The following XYLT1 variants were observed in gnomAD, a reference collection of about 807,000 sequenced individuals.
The protein encoded by XYLT1 is xylosyltransferase 1.
Under a neutral mutation model 91.3 loss-of-function variants are expected in XYLT1, and 36 were observed. The ratio of observed to expected loss-of-function variants is 0.39; its 90% CI spans 0.30 to 0.52. The LOEUF is 0.52. XYLT1 is among the 20% of genes least tolerant of loss of function. The pLI is 0.68. For missense variants in XYLT1, 1,242 were observed against 1,284.5 expected, an observed-to-expected ratio of 0.97 and a Z score of 0.51; for synonymous variants, 588 against 532.0, an observed-to-expected ratio of 1.11 and a Z score of -1.45.
At chr16:17,465,127 G>C in intron 1 of XYLT1, among the ~76,000 whole-genome samples, 1 of 103,470 alleles carries the variant, frequency 9.7e-6, no homozygotes, top group East Asian at 3.4e-4. Context: ...CTGGGTGACA[G>C]AGCAAGATGC....
At chr16:17,375,481 AACACACACAC>A (rs71137985) in intron 1 of XYLT1, among the ~76,000 whole-genome samples, 1 of 147,430 alleles carries the variant, frequency 6.8e-6, no homozygotes, top group Admixed American at 6.7e-5. Context: ...TAACATTTAA[AACACACACAC>A]ACACACACAC....
chr16:17,270,488 T>G (rs1596458864), intron 2 of XYLT1, among the ~76,000 whole-genome samples: 1 of 152,308 alleles, frequency 6.6e-6, no homozygotes. Flanking sequence ...CTCCTGGCTC[T>G]TTCCCTATCA....
chr16:17,215,298 C>T (rs1348174168), intron 3 of XYLT1, among the ~76,000 whole-genome samples: 1 of 152,124 alleles, frequency 6.6e-6, no homozygotes, highest in African/African-American at 2.4e-5. Context: ...AGACGTTGCA[C>T]CACTGCACTC....
At chr16:17,305,033 G>C (rs1006114481) in intron 2 of XYLT1, among the ~76,000 whole-genome samples, 2 of 152,152 alleles carry the variant, frequency 1.3e-5, no homozygotes, top group Admixed American at 6.5e-5. Flanking sequence ...CAGTGCCGCA[G>C]GGTGCCCACT....
At chr16:17,417,065 C>T (rs1393631131) in intron 1 of XYLT1, among the ~76,000 whole-genome samples, 3 of 152,044 alleles carry the variant, frequency 2.0e-5, no homozygotes, top group Non-Finnish European at 2.9e-5. Flanking sequence ...AGTTTGAAGG[C>T]GTAACTTTGT....
intron 2 of XYLT1, chr16:17,355,465 G>C (rs551968482): frequency 2.0e-4 from 30 of 152,254 alleles, no homozygotes; most frequent in African/African-American, 6.3e-4. Context: ...AACACACCGT[G>C]GAAGTTCTCT....
At chr16:17,120,856 T>G (rs2030026868) in intron 10 of XYLT1, among the ~76,000 whole-genome samples, 1 of 152,244 alleles carries the variant, frequency 6.6e-6, no homozygotes, top group Non-Finnish European at 1.5e-5. Flanking sequence ...TATTGTCTAT[T>G]GATCGATCAA....
At chr16:17,213,267 A>G (rs1013844520) in intron 3 of XYLT1, among the ~76,000 whole-genome samples, 2 of 152,132 alleles carry the variant, frequency 1.3e-5, no homozygotes, top group African/African-American at 4.8e-5. Context: ...CACAATTGTA[A>G]GTTTCCTGGG....
intron 1 of XYLT1, among the ~76,000 whole-genome samples, chr16:17,465,911 G>A (rs1596561682): frequency 6.6e-6 from 1 of 152,112 alleles, no homozygotes; most frequent in Non-Finnish European, 1.5e-5. Context: ...ACAGAGGACC[G>A]AAATTACAGT....
intron 2 of XYLT1, among the ~76,000 whole-genome samples, chr16:17,287,466 A>AT (rs2034159307): frequency 6.6e-6 from 1 of 152,066 alleles, no homozygotes; most frequent in South Asian, 2.1e-4. Flanking sequence ...AATTTGTCGA[A>AT]TCCTTGCAGC....
intron 2 of XYLT1, among the ~76,000 whole-genome samples, chr16:17,300,452 CTTTTTTTTTT>C (rs67480834): frequency 3.1e-5 from 2 of 64,842 alleles, no homozygotes; most frequent in Non-Finnish European, 2.7e-5. Flanking sequence ...TTCATTCTTT[CTTTTTTTTTT>C]TTTTTTTTTT....
chr16:17,398,630 T>C (rs1332920784), intron 1 of XYLT1, among the ~76,000 whole-genome samples: 1 of 152,102 alleles, frequency 6.6e-6, no homozygotes, highest in Non-Finnish European at 1.5e-5. Flanking sequence ...AAATCTAAGA[T>C]CAAGGTGTTG....
chr16:17,260,747 T>C (rs557463000), intron 2 of XYLT1, among the ~76,000 whole-genome samples: 24 of 152,218 alleles, frequency 1.6e-4, no homozygotes, highest in Non-Finnish European at 3.2e-4. Context: ...CCTGATACAA[T>C]AGCAGAGTGA....
At chr16:17,430,510 T>G (rs1378010076) in intron 1 of XYLT1, among the ~76,000 whole-genome samples, 1 of 152,204 alleles carries the variant, frequency 6.6e-6, no homozygotes, top group Non-Finnish European at 1.5e-5. Context: ...AAATTATAAA[T>G]TTCAAGATGG....
chr16:17,182,832 G>A (rs1463135235), intron 5 of XYLT1, among the ~76,000 whole-genome samples: 3 of 152,102 alleles, frequency 2.0e-5, no homozygotes, highest in Admixed American at 6.5e-5. Flanking sequence ...GAGGTCCAAT[G>A]GGAACAGGAT....
At chr16:17,335,244 CA>C (rs35572877) in intron 2 of XYLT1, among the ~76,000 whole-genome samples, 2 of 147,386 alleles carry the variant, frequency 1.4e-5, no homozygotes, top group Non-Finnish European at 1.5e-5. Flanking sequence ...CAATAACAAA[CA>C]AAAAAAAAAC....
At chr16:17,255,580 C>A (rs1331760285) in intron 3 of XYLT1, among the ~76,000 whole-genome samples, 1 of 152,238 alleles carries the variant, frequency 6.6e-6, no homozygotes, top group South Asian at 2.1e-4. Context: ...AAACGTTGCA[C>A]TCCACTTAAT....
chr16:17,461,605 T>C (rs763291317), intron 1 of XYLT1, among the ~76,000 whole-genome samples: 37 of 152,038 alleles, frequency 2.4e-4, no homozygotes, highest in Non-Finnish European at 4.3e-4. Flanking sequence ...AATGGACGGA[T>C]AGATGGATGG....
intron 1 of XYLT1, among the ~76,000 whole-genome samples, chr16:17,413,994 C>T (rs923075295): frequency 1.3e-5 from 2 of 152,222 alleles, no homozygotes; most frequent in African/African-American, 2.4e-5. Context: ...TGAAATTATT[C>T]AAGCCGGTCA....
Sources: allele counts gnomAD v4.1 joint callset (sites outside exome capture counted in the v4.1 genomes callset), GRCh38; gene constraint gnomAD v4.1.1; transcripts MANE v1.5; gene names NCBI Gene and HGNC (gene_info 2026-07-23, HGNC 2026-07-21).